The following GLYATL2 variants were observed in gnomAD, a reference collection of about 807,000 sequenced individuals.
GLYATL2 encodes the protein glycine N-acyltransferase-like protein 2.
GLYATL2 carries 25 observed loss-of-function variants against 21.4 expected under a neutral mutation model. The ratio of observed to expected loss-of-function variants is 1.17; its 90% CI spans 0.85 to 1.63. The LOEUF is 1.63. Among genes scored for constraint, GLYATL2 ranks in the 40% most tolerant of loss-of-function variants. The probability of loss-of-function intolerance (pLI) is 0.00; values close to 1 mark genes in which losing one functional copy is unlikely to be tolerated. For synonymous variants in GLYATL2, 114 were observed against 118.2 expected (o/e 0.96, Z 0.23); for missense variants, 361 against 343.3 (o/e 1.05, Z -0.41).
chr11:58,857,668 C>T (rs1206340974), intron 1 of GLYATL2, among the ~76,000 whole-genome samples: 2 of 151,594 alleles, frequency 1.3e-5, no homozygotes, highest in South Asian at 2.1e-4. Context: ...GGCCATTTTG[C>T]TCTTTCATCA....
At chr11:58,887,402 T>C (rs551059359) in intron 1 of GLYATL2, among the ~76,000 whole-genome samples, 41 of 152,290 alleles carry the variant, frequency 2.7e-4, no homozygotes, top group African/African-American at 9.4e-4. Context: ...AGAATTTATA[T>C]AGAAAAAAAG....
chr11:58,895,692 T>TA (rs1331291068), intron 1 of GLYATL2, among the ~76,000 whole-genome samples: 1 of 152,120 alleles, frequency 6.6e-6, no homozygotes, highest in Non-Finnish European at 1.5e-5. Flanking sequence ...TTTCTTTTAA[T>TA]AAAAAACCAG....
At chr11:58,890,389 G>C (rs1178206069) in intron 1 of GLYATL2, among the ~76,000 whole-genome samples, 1 of 151,986 alleles carries the variant, frequency 6.6e-6, no homozygotes, top group African/African-American at 2.4e-5. Context: ...TTGCTGCACT[G>C]TTCACAATAG....
At chr11:58,866,876 G>T (rs1292903988) in intron 1 of GLYATL2, among the ~76,000 whole-genome samples, 3 of 149,442 alleles carry the variant, frequency 2.0e-5, no homozygotes, top group Non-Finnish European at 4.5e-5. Context: ...AAAGGCAAGT[G>T]TCCTCAGAAT....
At chr11:58,901,879 C>T (rs1854746236) in intron 1 of GLYATL2, among the ~76,000 whole-genome samples, 1 of 152,148 alleles carries the variant, frequency 6.6e-6, no homozygotes, top group African/African-American at 2.4e-5. Flanking sequence ...TCTCCGAGTA[C>T]CACTGTATGA....
chr11:58,874,445 T>A lies in GLYATL2; in HGVS notation n.60+29711A>T, dbSNP rs976864974. ...GCATTTAGTGCTATAAATTTCCCTC[T>A]ACACACTGCTTTGAATGTGTCCCAG... On this transcript the variant is annotated intron_variant and non_coding_transcript_variant, in intron 1 of 4. Transcript: ENST00000533636. Among the ~76,000 whole-genome samples the A allele has an allele frequency of 1.4e-4, 21 of 152,380 alleles. 2 individuals are homozygous for A. The highest frequency in any genetic ancestry group is 4.6e-4 in the African/African-American group (19 of 41,588).
chr11:58,894,476 C>CCAAAA (rs5792135), intron 1 of GLYATL2, among the ~76,000 whole-genome samples: 88,484 of 116,074 alleles, frequency 0.76, 35,245 homozygotes, highest in Non-Finnish European at 0.84. Context: ...GCAGCTATAG[C>CCAAAA]AAAAAAAAAA....
intron 1 of GLYATL2, among the ~76,000 whole-genome samples, chr11:58,888,745 T>C (rs1346293551): frequency 6.6e-6 from 1 of 151,948 alleles, no homozygotes; most frequent in Non-Finnish European, 1.5e-5. Context: ...TTGTACATTA[T>C]GCAATATATG....
At chr11:58,857,832 A>T (rs1165930920) in intron 1 of GLYATL2, among the ~76,000 whole-genome samples, 1 of 136,230 alleles carries the variant, frequency 7.3e-6, no homozygotes, top group Non-Finnish European at 1.5e-5. Flanking sequence ...TCCCTTTCTC[A>T]CTGTTGCCTG....
intron 1 of GLYATL2, among the ~76,000 whole-genome samples, chr11:58,850,822 C>A (rs1205897670): frequency 6.6e-6 from 1 of 152,038 alleles, no homozygotes; most frequent in Non-Finnish European, 1.5e-5. Flanking sequence ...CAGTCAGGCC[C>A]ACCCACAGTT....
At chr11:58,863,184 C>T (rs988482865) in intron 1 of GLYATL2, among the ~76,000 whole-genome samples, 8 of 152,226 alleles carry the variant, frequency 5.3e-5, no homozygotes, top group African/African-American at 1.4e-4. Context: ...GGCATGCAGC[C>T]TGTACCAATA....
chr11:58,847,446 C>G (rs1853663136), upstream of GLYATL2, among the ~76,000 whole-genome samples: 1 of 152,194 alleles, frequency 6.6e-6, no homozygotes, highest in East Asian at 1.9e-4. Flanking sequence ...TGGACCTTCC[C>G]TGGGCCAGAA....
At chr11:58,876,726 C>T (rs916346241) in intron 1 of GLYATL2, among the ~76,000 whole-genome samples, 3 of 152,212 alleles carry the variant, frequency 2.0e-5, no homozygotes, top group Non-Finnish European at 4.4e-5. Flanking sequence ...AGTTAGGCTA[C>T]TTGGGGGTCA....
chr11:58,893,719 T>A lies in GLYATL2; in HGVS notation n.60+10437A>T, dbSNP rs1231114374. ...GGAAGGAAGGGGTTACCAGTAAACA[T>A]GTAACTAGAAAGCCAGGCTCAGTTC... On this transcript the variant is annotated intron_variant and non_coding_transcript_variant, in intron 1 of 4. Coordinates refer to the GLYATL2 transcript ENST00000533636. Among the ~76,000 whole-genome samples the A allele has an allele frequency of 2.0e-5, 3 of 152,120 alleles. No individual in the cohort carries two copies. In the East Asian group the frequency reaches 5.8e-4, roughly 29 times the overall value.
chr11:58,885,428 C>T, intron 1 of GLYATL2: 1 of 470,062 alleles, frequency 2.1e-6, no homozygotes, highest in Non-Finnish European at 4.3e-6. Flanking sequence ...TCCATCTCTC[C>T]TTCATATATA....
At chr11:58,898,735 AGGCAGGAGAAT>A (rs1286429768) in intron 1 of GLYATL2, among the ~76,000 whole-genome samples, 1 of 152,084 alleles carries the variant, frequency 6.6e-6, no homozygotes, top group East Asian at 1.9e-4. Context: ...CCGGAGGCTC[AGGCAGGAGAAT>A]GGCGTGAACC....
upstream of GLYATL2, chr11:58,907,349 A>T (rs754597015): frequency 2.2e-5 from 10 of 456,130 alleles, no homozygotes; most frequent in Non-Finnish European, 4.4e-5. Context: ...CTTCCTTGCG[A>T]CACTGGCCTG....
At chr11:58,895,872 T>C (rs905219454) in intron 1 of GLYATL2, among the ~76,000 whole-genome samples, 2 of 151,766 alleles carry the variant, frequency 1.3e-5, no homozygotes, top group Non-Finnish European at 2.9e-5. Context: ...TTTTTTTTTT[T>C]TGAAGGAGTC....
chr11:58,878,273 G>C, intron 1 of GLYATL2: 1 of 436,562 alleles, frequency 2.3e-6, no homozygotes, highest in Admixed American at 3.7e-5. Context: ...GCCAGAAGCA[G>C]GATCTGAAGT....
Sources: allele counts gnomAD v4.1 joint callset (sites outside exome capture counted in the v4.1 genomes callset), GRCh38; gene constraint gnomAD v4.1.1; transcripts MANE v1.5; gene names NCBI Gene and HGNC (gene_info 2026-07-23, HGNC 2026-07-21).